The following SKP2 variants were observed in gnomAD, a reference collection of about 807,000 sequenced individuals.
SKP2 encodes S-phase kinase associated protein 2.
Under a neutral mutation model 51.8 loss-of-function variants are expected in SKP2, and 16 were observed. The ratio of observed to expected loss-of-function variants is 0.31; its 90% CI spans 0.21 to 0.47. SKP2 has a LOEUF of 0.47. Among genes scored for constraint, SKP2 ranks in the 20% least tolerant of loss-of-function variants. The probability of loss-of-function intolerance (pLI) is 1.00; values close to 1 mark genes in which losing one functional copy is unlikely to be tolerated. For synonymous variants in SKP2, 176 were observed against 198.6 expected (o/e 0.89, Z 0.96); for missense variants, 377 against 505.3 (o/e 0.75, Z 2.43).
rs1225843993 is a variant in SKP2, at chr5:36,182,130, C to G, written c.*99C>G. 6.7e-7 allele frequency: 1 copy of G among 1,495,918 alleles called. No individual in the cohort carries two copies. 92.7% of individuals were successfully genotyped at this position (1,495,918 alleles called of 1,614,324 possible). A position where few individuals can be genotyped will look rare whatever the true frequency, so the allele number is the denominator to read the frequency against. The stretch of plus-strand genomic sequence containing the variant: ...TAGCTAGTTTTATTCTTGGTTTTCC[C>G]TTTGCCTTCATTCTGCAAGTATACT... On this transcript the variant is annotated 3_prime_UTR_variant, in exon 10 of 10. Transcript: ENST00000274255.
At chr5:36,177,345 G>A in intron 9 of SKP2, 53 bp downstream of exon 9, 1 of 1,064,610 alleles carries the variant, frequency 9.4e-7, no homozygotes, top group Non-Finnish European at 1.5e-6. Flanking sequence ...CAACAGAGAT[G>A]CCCCTTGGTG....
chr5:36,152,795 C>A lies in SKP2; in HGVS notation c.33C>A (p.Asp11Glu). MHRKHLQEIP[D>E]LSSNVATSFT... Reference sequence around the variant, plus strand: ...GGAAGCACCTCCAGGAGATTCCAGACCTGAGTAGCAACGTTGCCACCAGCT... The same window carrying A: ...GGAAGCACCTCCAGGAGATTCCAGAACTGAGTAGCAACGTTGCCACCAGCT... Residue 11 changes from aspartate (D) to glutamate (E), a missense_variant, in exon 2 of 10, where the codon GAC (aspartate) becomes GAA (glutamate). Physicochemically the swap from Asp to Glu is conservative, Grantham distance 45. Transcript: ENST00000274255. 6.2e-7 allele frequency: 1 copy of A among 1,613,904 alleles called. No individual in the cohort carries two copies. Among genetic ancestry groups the A allele is most frequent in the Non-Finnish European group, 8.5e-7 (1 of 1,180,018 alleles).
intron 5 of SKP2, among the ~76,000 whole-genome samples, chr5:36,169,801 C>T (rs1048399551): frequency 1.3e-5 from 2 of 152,160 alleles, no homozygotes; most frequent in African/African-American, 4.8e-5. Flanking sequence ...CTGAGTAAGT[C>T]TTTTCCAGGG....
chr5:36,184,204 C>A lies in SKP2; in HGVS notation c.*2173C>A, dbSNP rs960864703. On this transcript the variant is annotated 3_prime_UTR_variant, in exon 10 of 10. Transcript: ENST00000274255. ...TGACCCATCTACTTCATATGCTTGT[C>A]ACATTAAAAAAAAAAGTTTATAATG... The A allele has an allele frequency of 1.9e-5, 7 of 360,618 alleles. No homozygotes were observed. The highest frequency in any genetic ancestry group is 1.3e-4 in the African/African-American group (6 of 47,112). 22.3% of individuals were successfully genotyped at this position (360,618 alleles called of 1,614,324 possible). A position where few individuals can be genotyped will look rare whatever the true frequency, so the allele number is the denominator to read the frequency against.
intron 5 of SKP2, among the ~76,000 whole-genome samples, chr5:36,168,859 AGT>A (rs1745379396): frequency 6.6e-6 from 1 of 152,256 alleles, no homozygotes; most frequent in South Asian, 2.1e-4. Context: ...ATTACCATGC[AGT>A]GTGTTTATTA....
chr5:36,191,347 AAATGTCAATAGTGT>A (rs1746020003), intron 6 of SKP2, among the ~76,000 whole-genome samples: 1 of 152,184 alleles, frequency 6.6e-6, no homozygotes, highest in Non-Finnish European at 1.5e-5. Flanking sequence ...TGTCTGGACA[AAATGTCAATAGTGT>A]CAGTGCTCCA....
Position 36,163,728 on chromosome 5 carries a change from G to C in SKP2, c.364G>C (p.Gly122Arg), listed in dbSNP as rs1351334437. 1.2e-6 allele frequency: 2 copies of C among 1,613,446 alleles called. No homozygotes were observed. The change falls in exon 3 of 10, where the codon GGT (glycine) becomes CGT (arginine). Residue 122 changes from glycine to arginine, a missense_variant. Physicochemically the swap from Gly to Arg is moderately radical, Grantham distance 125. Transcript: ENST00000274255. ...LCLPELLKVS[G>R]VCKRWYRLAS... Reference sequence around the variant, plus strand: ...CCTCCCTGAGCTGCTAAAGGTCTCTGGTGTTTGTAAGAGGTGGTATCGCCT... The same window carrying C: ...CCTCCCTGAGCTGCTAAAGGTCTCTCGTGTTTGTAAGAGGTGGTATCGCCT...
At chr5:36,188,328 C>T (rs1201723125), downstream of SKP2, among the ~76,000 whole-genome samples, 1 of 152,146 alleles carries the variant, frequency 6.6e-6, no homozygotes, top group Non-Finnish European at 1.5e-5. Flanking sequence ...CTAGCATTAA[C>T]GGTCTTTACA....
rs768438898 is a variant in SKP2, at chr5:36,181,858, T to G, written c.1102T>G (p.Phe368Val). Residue 368 changes from phenylalanine (F) to valine (V), a missense_variant, in exon 10 of 10, where the codon TTT becomes GTT. Phe to Val is a conservative substitution (Grantham distance 50). Transcript: ENST00000274255. ...TCCCACACTAAAAACACTACAAGTT[T>G]TTGGAATCGTGCCAGATGGTACCCT... is the stretch of plus-strand genomic sequence containing the variant. ...EIPTLKTLQV[F>V]GIVPDGTLQL... is the part of the protein sequence containing the mutation. 1 of 1,614,012 alleles carries G rather than the reference T, an allele frequency of 6.2e-7. No individual in the cohort carries two copies. Among genetic ancestry groups the G allele is most frequent in the African/African-American group, 1.3e-5 (1 of 74,918 alleles).
Position 36,166,554 on chromosome 5 carries a change from C to T in SKP2, c.428C>T (p.Thr143Ile). Residue 143 changes from threonine (T) to isoleucine (I), a missense_variant, in exon 4 of 10, where the codon ACA becomes ATA. By Grantham distance (89) the Thr-to-Ile change is moderately conservative. Coordinates refer to ENST00000274255, the MANE Select transcript of SKP2 (RefSeq NM_005983.4). ...DESLWQTLDL[T>I]GKNLHPDVTG... ...TCTCTATGGCAGACCTTAGACCTCA[C>T]AGGTAAAAATCTGCACCCGGATGTG... is the stretch of plus-strand genomic sequence containing the variant. 3.1e-6 allele frequency: 5 copies of T among 1,613,982 alleles called. No homozygotes were observed.
rs201844297 is a variant in SKP2 at position 36,183,856 on chromosome 5, G to A, written c.*1825G>A. Reference sequence around the variant, plus strand: ...TGTTTACAGATTAGTGACAAGAGCTGGGGTTAGGATCCGGTTGGACTCTGA... The same window carrying A: ...TGTTTACAGATTAGTGACAAGAGCTAGGGTTAGGATCCGGTTGGACTCTGA... On this transcript the variant is annotated 3_prime_UTR_variant, in exon 10 of 10. Transcript: ENST00000274255. The A allele has an allele frequency of 5.9e-5, 94 of 1,603,974 alleles. 1 individual carries two copies. In the Admixed American group the frequency reaches 6.8e-4, roughly 12 times the overall value.
chr5:36,185,256 T>G (rs942170371), downstream of SKP2, among the ~76,000 whole-genome samples: 7 of 152,250 alleles, frequency 4.6e-5, no homozygotes, highest in African/African-American at 1.7e-4. Context: ...AGAAGCTCTT[T>G]AGTTTAATAA....
intron 9 of SKP2, among the ~76,000 whole-genome samples, chr5:36,181,074 CAG>C (rs1415058384): frequency 2.6e-5 from 4 of 152,068 alleles, no homozygotes; most frequent in Non-Finnish European, 5.9e-5. Flanking sequence ...ATTTGTGAAA[CAG>C]AATTTCACTG....
At chr5:36,190,285 A>G (rs868020709) in intron 6 of SKP2, among the ~76,000 whole-genome samples, 2 of 152,164 alleles carry the variant, frequency 1.3e-5, no homozygotes, top group Non-Finnish European at 2.9e-5. Flanking sequence ...TTGGAAATGC[A>G]GAAATCACCC....
chr5:36,159,273 A>T (rs552551473), intron 2 of SKP2, among the ~76,000 whole-genome samples: 22 of 152,298 alleles, frequency 1.4e-4, no homozygotes, highest in Admixed American at 6.5e-4. Context: ...CTCTGCATTC[A>T]TCACTATGCC....
At chr5:36,172,274 C>A (rs1745500573) in intron 7 of SKP2, among the ~76,000 whole-genome samples, 1 of 80,108 alleles carries the variant, frequency 1.2e-5, no homozygotes, top group Admixed American at 1.3e-4. Flanking sequence ...CTATTATAAA[C>A]TCTGTTAATA....
rs1195254350 is a variant in SKP2 at position 36,163,708 on chromosome 5, C to T, written c.344C>T (p.Pro115Leu). 2 of 1,614,010 alleles carry T rather than the reference C, an allele frequency of 1.2e-6. No individual in the cohort carries two copies. Among genetic ancestry groups the T allele is most frequent in the East Asian group, 4.5e-5 (2 of 44,874 alleles). Residue 115 changes from proline to leucine, a missense_variant, in exon 3 of 10, where the codon CCT (proline) becomes CTT (leucine). Pro to Leu is a moderately conservative substitution (Grantham distance 98, BLOSUM62 -3). Transcript: ENST00000274255. ...LLGIFSCLCL[P>L]ELLKVSGVCK... The stretch of plus-strand genomic sequence containing the variant: ...GGAATCTTTTCCTGTCTGTGCCTCC[C>T]TGAGCTGCTAAAGGTCTCTGGTGTT...
chr5:36,156,902 C>T (rs1454983487), intron 2 of SKP2, among the ~76,000 whole-genome samples: 1 of 152,046 alleles, frequency 6.6e-6, no homozygotes, highest in African/African-American at 2.4e-5. Flanking sequence ...TCTTAATACC[C>T]TTAGGCAAGC....
At position 36,176,946 on chromosome 5, in the gene SKP2, G is replaced by GT. The variant is rs1171819045; in HGVS notation, c.902-12dup. 11 of 1,539,198 alleles carry GT rather than the reference G, an allele frequency of 7.1e-6. No individual in the cohort carries two copies. Among genetic ancestry groups the GT allele is most frequent in the African/African-American group, 1.4e-5 (1 of 72,996 alleles). On this transcript the variant is annotated intron_variant, in intron 7 of 9. Coordinates refer to ENST00000274255, the MANE Select transcript of SKP2 (RefSeq NM_005983.4). ...TTCCTCATTTAATAGTGACCATCAT[G>GT]TTTTTTTGCTTTTCCTAGATCTCTC...
Sources: allele counts gnomAD v4.1 joint callset (sites outside exome capture counted in the v4.1 genomes callset), GRCh38; gene constraint gnomAD v4.1.1; transcripts MANE v1.5; gene names NCBI Gene and HGNC (gene_info 2026-07-23, HGNC 2026-07-21).